Variants in C6orf163 observed in about 807,000 individuals in gnomAD.
C6orf163 encodes the protein uncharacterized protein C6orf163.
A neutral mutation model predicts 28.4 loss-of-function variants in C6orf163; 22 were observed. The ratio of observed to expected loss-of-function variants is 0.78; its 90% CI spans 0.55 to 1.11. The LOEUF (loss-of-function observed/expected upper bound fraction) is 1.11, where lower values mean the gene tolerates loss of function less well. Among genes scored for constraint, C6orf163 ranks in the 50% least tolerant of loss-of-function variants. The probability of loss-of-function intolerance (pLI) is 0.00; values close to 1 mark genes in which losing one functional copy is unlikely to be tolerated. For missense variants in C6orf163, 342 were observed against 389.1 expected (o/e 0.88, Z 1.02); for synonymous variants, 110 against 123.6 (o/e 0.89, Z 0.73).
chr6:87,360,803 C>A (rs1254521855), intron 4 of C6orf163, among the ~76,000 whole-genome samples: 3 of 152,062 alleles, frequency 2.0e-5, no homozygotes. Context: ...TCTGTATTAC[C>A]CACTTATTCA....
At chr6:87,361,540 C>T (rs534015537) in intron 4 of C6orf163, among the ~76,000 whole-genome samples, 2 of 152,274 alleles carry the variant, frequency 1.3e-5, no homozygotes, top group East Asian at 3.9e-4. Flanking sequence ...AAACTCATGC[C>T]TGCTTATGTC....
At chr6:87,350,887 A>T (rs1777402467) in intron 3 of C6orf163, among the ~76,000 whole-genome samples, 1 of 152,218 alleles carries the variant, frequency 6.6e-6, no homozygotes, top group Non-Finnish European at 1.5e-5. Context: ...CTGTCTCATC[A>T]CTGGACTAGC....
At position 87,356,444 on chromosome 6, in the gene C6orf163, G is replaced by A. The variant is rs1386725923; in HGVS notation, c.495G>A (p.Val165=). 2.6e-6 allele frequency: 4 copies of A among 1,551,754 alleles called. No individual in the cohort carries two copies. The highest frequency in any genetic ancestry group is 2.4e-5 in the South Asian group (2 of 84,062). Residue 165 remains valine, a synonymous_variant, in exon 4 of 5, where the codon GTG becomes GTA. Transcript: ENST00000388923. ...MECHREKVEA[V]EKARAEERHI... The stretch of plus-strand genomic sequence containing the variant: ...GCCACAGAGAGAAGGTCGAAGCTGT[G>A]GAGAAAGCCAGGGCTGAAGAAAGAC...
intron 3 of C6orf163, among the ~76,000 whole-genome samples, chr6:87,351,011 C>G (rs972613200): frequency 6.6e-6 from 1 of 152,144 alleles, no homozygotes; most frequent in African/African-American, 2.4e-5. Context: ...TTTGCATTTA[C>G]TGTACTGCTA....
intron 3 of C6orf163, among the ~76,000 whole-genome samples, chr6:87,354,436 A>G (rs2127932784): frequency 6.6e-6 from 1 of 152,354 alleles, no homozygotes; most frequent in African/African-American, 2.4e-5. Context: ...GTCCAGTACA[A>G]TCATTCATCT....
chr6:87,361,623 G>C lies in C6orf163; in HGVS notation c.555-3338G>C, dbSNP rs141510661. ...CATCACCCTGACAATCTCATCAACA[G>C]CCTGAGGATGTTATCAGACATCAGA... On this transcript the variant is annotated intron_variant, in intron 4 of 4. Transcript: ENST00000388923. 3.5e-3 allele frequency among the ~76,000 whole-genome samples: 531 copies of C among 152,246 alleles called. 1 individual carries two copies. Among genetic ancestry groups the C allele is most frequent in the African/African-American group, 0.012 (508 of 41,546 alleles).
intron 1 of C6orf163, 96 bp downstream of exon 1, chr6:87,345,343 A>C (rs967894390): frequency 1.0e-5 from 13 of 1,255,284 alleles, no homozygotes; most frequent in Admixed American, 3.2e-5. Context: ...TTTTCTCTTC[A>C]GAGTTGCTTG....
intron 2 of C6orf163, among the ~76,000 whole-genome samples, chr6:87,349,997 A>T (rs1777386180): frequency 1.3e-5 from 2 of 152,224 alleles, no homozygotes; most frequent in African/African-American, 4.8e-5. Flanking sequence ...CTCTTTACTC[A>T]GCTCCTTCTA....
intron 1 of C6orf163, chr6:87,348,264 T>A: frequency 2.0e-6 from 2 of 984,800 alleles, no homozygotes; most frequent in South Asian, 4.7e-5. Context: ...GATATTATTA[T>A]GGGAATGTTA....
At chr6:87,351,193 A>C (rs1322875263) in intron 3 of C6orf163, among the ~76,000 whole-genome samples, 1 of 152,222 alleles carries the variant, frequency 6.6e-6, no homozygotes, top group East Asian at 1.9e-4. Flanking sequence ...AAATCTGCTC[A>C]AAGGAAAATG....
At chr6:87,358,664 A>G (rs1276586416) in intron 4 of C6orf163, 9 of 152,048 alleles carry the variant, frequency 5.9e-5, no homozygotes, top group Non-Finnish European at 7.3e-5. Context: ...AAGGCAAGGC[A>G]TGAATGAAGT....
Position 87,364,129 on chromosome 6 carries a change from A to G in C6orf163, c.555-832A>G, listed in dbSNP as rs1162878754. 2.0e-5 allele frequency among the ~76,000 whole-genome samples: 3 copies of G among 152,112 alleles called. No individual in the cohort carries two copies. In the East Asian group the frequency reaches 5.8e-4, roughly 29 times the overall value. On this transcript the variant is annotated intron_variant, in intron 4 of 4. Coordinates refer to ENST00000388923, the MANE Select transcript of C6orf163 (RefSeq NM_001010868.3). The stretch of plus-strand genomic sequence containing the variant: ...TAAAATCCCATCTCTACTAAAAAAT[A>G]CAAAAATTAGCTGGGTGTAGTCGTG...
chr6:87,345,370 T>C, intron 1 of C6orf163, 123 bp downstream of exon 1: 2 of 941,896 alleles, frequency 2.1e-6, no homozygotes, highest in Non-Finnish European at 1.5e-6. Context: ...CAGGGATATT[T>C]GAGGAGAATA....
chr6:87,352,380 A>G (rs1399036666), intron 3 of C6orf163, among the ~76,000 whole-genome samples: 1 of 152,110 alleles, frequency 6.6e-6, no homozygotes, highest in Non-Finnish European at 1.5e-5. Context: ...TCTCACACAT[A>G]TTAAAGTTTG....
At chr6:87,345,773 C>T (rs1251435869) in intron 1 of C6orf163, among the ~76,000 whole-genome samples, 1 of 151,898 alleles carries the variant, frequency 6.6e-6, no homozygotes, top group Non-Finnish European at 1.5e-5. Context: ...AAAATTTAAG[C>T]AGGCATGGTG....
chr6:87,355,440 C>T (rs930659343), intron 3 of C6orf163, among the ~76,000 whole-genome samples: 1 of 151,944 alleles, frequency 6.6e-6, no homozygotes, highest in Non-Finnish European at 1.5e-5. Context: ...AAGTGTCTGT[C>T]GTCTCAGCTA....
chr6:87,353,483 A>G (rs1467259252), intron 3 of C6orf163, among the ~76,000 whole-genome samples: 1 of 152,134 alleles, frequency 6.6e-6, no homozygotes, highest in Admixed American at 6.5e-5. Context: ...TGCCAAAAAA[A>G]TTCAGGCATA....
At chr6:87,346,186 C>T (rs925515387) in intron 1 of C6orf163, among the ~76,000 whole-genome samples, 1 of 152,090 alleles carries the variant, frequency 6.6e-6, no homozygotes, top group African/African-American at 2.4e-5. Context: ...CTCTGATCCT[C>T]TCTTCCTTTA....
Position 87,364,980 on chromosome 6 carries a change from G to T in C6orf163, c.574G>T (p.Val192Leu), listed in dbSNP as rs1264749533. The T allele has an allele frequency of 7.8e-6, 12 of 1,544,720 alleles. No homozygotes were observed. The highest frequency in any genetic ancestry group is 6.0e-5 in the Admixed American group (3 of 50,056). The change falls in exon 5 of 5, where the codon GTG becomes TTG. Residue 192 changes from valine (V) to leucine (L), a missense_variant. Transcript: ENST00000388923. Reference protein sequence around the residue: ...AQKSKAVEEIVNTGVTVIKDE... With the variant: ...AQKSKAVEEILNTGVTVIKDE... ...TTGTAGCAAAGCCGTGGAGGAAATT[G>T]TGAATACTGGTGTCACAGTTATTAA...
Sources: allele counts gnomAD v4.1 joint callset (sites outside exome capture counted in the v4.1 genomes callset), GRCh38; gene constraint gnomAD v4.1.1; transcripts MANE v1.5; gene names NCBI Gene and HGNC (gene_info 2026-07-23, HGNC 2026-07-21).